Variants in TCEA1 observed in about 807,000 individuals in gnomAD.
The protein encoded by TCEA1 is transcription elongation factor A1.
A neutral mutation model predicts 43.8 loss-of-function variants in TCEA1; 21 were observed. The ratio of observed to expected loss-of-function variants is 0.48; its 90% CI spans 0.34 to 0.69. The LOEUF (loss-of-function observed/expected upper bound fraction) is 0.69. Ranked by LOEUF, TCEA1 falls within the 30% of genes least tolerant of loss-of-function variation. TCEA1 has a pLI of 0.01. For synonymous variants in TCEA1, 104 were observed against 117.5 expected (o/e 0.88, Z 0.75); for missense variants, 250 against 365.1 (o/e 0.68, Z 2.57).
chr8:53,992,835 A>C (rs923020009), intron 4 of TCEA1, among the ~76,000 whole-genome samples: 1 of 152,244 alleles, frequency 6.6e-6, no homozygotes, highest in Non-Finnish European at 1.5e-5. Flanking sequence ...AACATGTTCA[A>C]TACTGCATAG....
intron 8 of TCEA1, chr8:53,978,796 T>C: frequency 9.6e-6 from 4 of 415,898 alleles, no homozygotes; most frequent in African/African-American, 2.0e-5. Flanking sequence ...TCTCTTCCTA[T>C]GCCTAATTTA....
chr8:53,999,230 A>C (rs1482389474), intron 3 of TCEA1, among the ~76,000 whole-genome samples: 2 of 149,750 alleles, frequency 1.3e-5, no homozygotes, highest in African/African-American at 4.9e-5. Flanking sequence ...GTCTCAAAAA[A>C]AAAAAAAAAA....
intron 7 of TCEA1, among the ~76,000 whole-genome samples, chr8:53,983,841 G>A (rs1160914066): frequency 6.6e-6 from 1 of 152,246 alleles, no homozygotes; most frequent in Non-Finnish European, 1.5e-5. Context: ...GCTCACACCT[G>A]TAATTCCAAC....
chr8:54,005,314 C>CA (rs1221893722), intron 2 of TCEA1, among the ~76,000 whole-genome samples: 5 of 152,182 alleles, frequency 3.3e-5, no homozygotes, highest in African/African-American at 1.2e-4. Context: ...TCAATAGCCT[C>CA]ATGTAGTTAA....
chr8:54,015,906 T>G (rs1463523049), intron 1 of TCEA1, among the ~76,000 whole-genome samples: 1 of 152,088 alleles, frequency 6.6e-6, no homozygotes, highest in African/African-American at 2.4e-5. Context: ...GATATGCAAA[T>G]GGCCACAAAG....
At chr8:54,000,505 CA>C (rs2129308814) in intron 2 of TCEA1, among the ~76,000 whole-genome samples, 1 of 152,282 alleles carries the variant, frequency 6.6e-6, no homozygotes, top group East Asian at 1.9e-4. Context: ...ACCACCTATC[CA>C]GGTTTAAAAG....
rs114359369 is a variant in TCEA1, at chr8:53,974,895, T to C, written c.825+4130A>G. Among the ~76,000 whole-genome samples the C allele has an allele frequency of 4.1e-3, 621 of 152,184 alleles. 4 individuals carry two copies. The highest frequency in any genetic ancestry group is 0.014 in the African/African-American group (592 of 41,538). On this transcript the variant is annotated intron_variant, in intron 8 of 9. Transcript: ENST00000521604. The stretch of plus-strand genomic sequence containing the variant: ...AAATAGAGCAGTATCTACGCTTGTT[T>C]GTTTAAAGGTTAGGGATAATTTGAA...
At chr8:53,979,277 T>A in intron 7 of TCEA1, 106 bp from the exon 8 acceptor site, 1 of 1,202,098 alleles carries the variant, frequency 8.3e-7, no homozygotes, top group Non-Finnish European at 1.1e-6. Context: ...CATATCAACC[T>A]TTAAGGTTTT....
chr8:53,982,822 T>C (rs1394010107), intron 7 of TCEA1, among the ~76,000 whole-genome samples: 2 of 152,136 alleles, frequency 1.3e-5, no homozygotes, highest in African/African-American at 2.4e-5. Context: ...GTGAACATTG[T>C]TGAAATGACA....
At chr8:53,999,820 T>A in intron 3 of TCEA1, 125 bp downstream of exon 3, 1 of 681,814 alleles carries the variant, frequency 1.5e-6, no homozygotes, top group Non-Finnish European at 2.5e-6. Context: ...TACGAGGCAC[T>A]GCTTTCAGTA....
chr8:53,994,270 A>T (rs1348113807), intron 3 of TCEA1, among the ~76,000 whole-genome samples: 1 of 152,150 alleles, frequency 6.6e-6, no homozygotes, highest in Non-Finnish European at 1.5e-5. Flanking sequence ...GCTTTTGCCC[A>T]GCAGGTGGAG....
chr8:53,968,553 T>C (rs746635850), intron 9 of TCEA1, among the ~76,000 whole-genome samples: 1 of 152,076 alleles, frequency 6.6e-6, no homozygotes, highest in Non-Finnish European at 1.5e-5. Context: ...ATAATAAAAA[T>C]GATCCATCAG....
intron 2 of TCEA1, among the ~76,000 whole-genome samples, chr8:54,004,134 C>G (rs1033100743): frequency 3.2e-4 from 49 of 152,114 alleles, no homozygotes; most frequent in African/African-American, 1.2e-3. Flanking sequence ...CAAACAACAA[C>G]AAGTGTTTGC....
At position 53,998,966 on chromosome 8, in the gene TCEA1, C is replaced by T. The variant is rs546834730; in HGVS notation, c.232+979G>A. ...ATGTGAGGCCAGGCGAGGTGGCTCA[C>T]GCCTGTAATCCCAGCACTTTGGGAG... On this transcript the variant is annotated intron_variant, in intron 3 of 9. Transcript: ENST00000521604. Among the ~76,000 whole-genome samples, 6 of 152,212 alleles carry T rather than the reference C, an allele frequency of 3.9e-5. No individual in the cohort carries two copies. The East Asian group carries it at 5.8e-4, about 15-fold the overall frequency.
At chr8:53,986,510 G>A (rs992155965) in intron 6 of TCEA1, among the ~76,000 whole-genome samples, 7 of 152,056 alleles carry the variant, frequency 4.6e-5, no homozygotes, top group South Asian at 2.1e-4. Flanking sequence ...AATTGCCAAC[G>A]AGATACACCC....
intron 5 of TCEA1, 32 bp downstream of exon 5, chr8:53,988,082 A>G (rs749979251): frequency 1.2e-6 from 2 of 1,602,302 alleles, no homozygotes; most frequent in Non-Finnish European, 1.7e-6. Context: ...GTGGTGACCA[A>G]AGGACTGAGA....
At chr8:54,011,089 C>T (rs1423904479) in intron 1 of TCEA1, among the ~76,000 whole-genome samples, 1 of 152,198 alleles carries the variant, frequency 6.6e-6, no homozygotes, top group African/African-American at 2.4e-5. Context: ...AGGCGTGAGC[C>T]ACCATGCCTG....
chr8:53,968,875 C>T (rs536098961), intron 9 of TCEA1, among the ~76,000 whole-genome samples: 1 of 152,288 alleles, frequency 6.6e-6, no homozygotes, highest in East Asian at 1.9e-4. Context: ...AGGTGAATGT[C>T]CCTCTCCTAG....
At chr8:53,968,386 ATAAC>A (rs1803054644) in intron 9 of TCEA1, among the ~76,000 whole-genome samples, 2 of 149,732 alleles carry the variant, frequency 1.3e-5, no homozygotes, top group African/African-American at 5.0e-5. Context: ...AAAAAAAAAA[ATAAC>A]AATTCCAAAA....
Sources: allele counts gnomAD v4.1 joint callset (sites outside exome capture counted in the v4.1 genomes callset), GRCh38; gene constraint gnomAD v4.1.1; transcripts MANE v1.5; gene names NCBI Gene and HGNC (gene_info 2026-07-23, HGNC 2026-07-21).